The following AP2A2 variants were observed in gnomAD, a reference collection of about 807,000 sequenced individuals.
AP2A2 encodes AP-2 complex subunit alpha-2.
AP2A2 carries 32 observed loss-of-function variants against 104.2 expected under a neutral mutation model. That is an observed-to-expected ratio of 0.31 (90% CI 0.23 to 0.41). AP2A2 has a LOEUF of 0.41. AP2A2 is among the 10% of genes least tolerant of loss of function. The pLI, the probability that AP2A2 is intolerant of heterozygous loss-of-function variation, is 1.00. For synonymous variants in AP2A2, 539 were observed against 533.3 expected (o/e 1.01, Z -0.15); for missense variants, 912 against 1,261.0 (o/e 0.72, Z 4.19).
intron 14 of AP2A2, among the ~76,000 whole-genome samples, chr11:999,246 C>T (rs972462426): frequency 1.3e-5 from 2 of 152,182 alleles, no homozygotes; most frequent in African/African-American, 4.8e-5. Flanking sequence ...AGAGCAATTA[C>T]TGGGGCCGGG....
chr11:996,850 G>C (rs1004557551), intron 14 of AP2A2, among the ~76,000 whole-genome samples: 10 of 152,162 alleles, frequency 6.6e-5, no homozygotes, highest in Non-Finnish European at 1.2e-4. Context: ...TGAGAGCTGT[G>C]GTGTGTGGGC....
rs766934226 is a variant in AP2A2 at position 1,008,107 on chromosome 11, G to C, written c.2392G>C (p.Glu798Gln). The C allele has an allele frequency of 1.0e-5, 16 of 1,606,896 alleles. No individual in the cohort carries two copies. Among genetic ancestry groups the C allele is most frequent in the Non-Finnish European group, 1.3e-5 (15 of 1,177,444 alleles). The change falls in exon 18 of 22, where the codon GAG becomes CAG. Residue 798 changes from glutamate (E) to glutamine (Q), a missense_variant. By Grantham distance (29) the Glu-to-Gln change is conservative. Coordinates refer to ENST00000448903, the MANE Select transcript of AP2A2 (RefSeq NM_012305.4). ...CATAGAGTGCGTGTCCGACTTCACG[G>C]AGGCGCCAGTCCTCAACATTCAGTT... ...VNIECVSDFT[E>Q]APVLNIQFRY... is the part of the protein sequence containing the mutation.
chr11:981,257 G>A lies in AP2A2; in HGVS notation c.663G>A (p.Glu221=). Reference sequence around the variant, plus strand: ...CTTTAGCACAGAAGAACCCAGAAGAGTTTAAAACCTCCGTGTCTCTGGCTG... The same window carrying A: ...CTTTAGCACAGAAGAACCCAGAAGAATTTAAAACCTCCGTGTCTCTGGCTG... The part of the protein sequence containing the change: ...ITTLAQKNPE[E]FKTSVSLAVS... The change falls in exon 6 of 22, where the codon GAG becomes GAA. Residue 221 remains glutamate, a synonymous_variant. Transcript: ENST00000448903. 1 of 1,613,736 alleles carries A rather than the reference G, an allele frequency of 6.2e-7. No homozygotes were observed. Among genetic ancestry groups the A allele is most frequent in the Non-Finnish European group, 8.5e-7 (1 of 1,179,810 alleles).
intron 8 of AP2A2, among the ~76,000 whole-genome samples, chr11:985,843 C>T (rs1222835306): frequency 2.6e-5 from 4 of 152,266 alleles, no homozygotes. Flanking sequence ...AGCATCCCCA[C>T]TCCTGACTGG....
At position 925,926 on chromosome 11, in the gene AP2A2, C is replaced by G; in HGVS notation, c.-96C>G. 2.0e-6 allele frequency: 2 copies of G among 995,218 alleles called. No homozygotes were observed. The highest frequency in any genetic ancestry group is 3.5e-5 in the East Asian group (1 of 28,376). 61.6% of individuals were successfully genotyped at this position (995,218 alleles called of 1,614,324 possible). ...TGGTTAGGCGGCTCCCCGGCGGCTCCTCCGCGGCGGTGACGGCGACCGCAC... is the reference window on the plus strand; with the variant it reads ...TGGTTAGGCGGCTCCCCGGCGGCTCGTCCGCGGCGGTGACGGCGACCGCAC... On this transcript the variant is annotated 5_prime_UTR_variant, in exon 1 of 22. Coordinates refer to ENST00000448903, the MANE Select transcript of AP2A2 (RefSeq NM_012305.4).
intron 1 of AP2A2, among the ~76,000 whole-genome samples, chr11:931,593 G>C (rs1853293824): frequency 6.6e-6 from 1 of 152,196 alleles, no homozygotes; most frequent in Non-Finnish European, 1.5e-5. Context: ...GTGTGGTGCA[G>C]ATGCTTGGAG....
chr11:1,001,012 G>A (rs1856013769), intron 15 of AP2A2, among the ~76,000 whole-genome samples: 1 of 152,202 alleles, frequency 6.6e-6, no homozygotes, highest in Non-Finnish European at 1.5e-5. Flanking sequence ...TCTTGTCTGT[G>A]TCTGTCCTGG....
At chr11:952,552 C>T (rs545856926) in intron 1 of AP2A2, among the ~76,000 whole-genome samples, 2 of 152,208 alleles carry the variant, frequency 1.3e-5, no homozygotes, top group African/African-American at 2.4e-5. Flanking sequence ...AAGTTCACTG[C>T]GAGAATTCCC....
At chr11:989,443 TG>T (rs948239437) in intron 10 of AP2A2, among the ~76,000 whole-genome samples, 4 of 152,244 alleles carry the variant, frequency 2.6e-5, no homozygotes, top group Non-Finnish European at 4.4e-5. Flanking sequence ...CCGTCTGCGC[TG>T]GGGCTGCACA....
intron 2 of AP2A2, among the ~76,000 whole-genome samples, chr11:960,613 A>T (rs960817742): frequency 2.6e-5 from 4 of 150,966 alleles, no homozygotes; most frequent in Admixed American, 2.0e-4. Context: ...CCCGACCTCA[A>T]GTGATCCACC....
intron 15 of AP2A2, among the ~76,000 whole-genome samples, chr11:1,002,286 C>T (rs760406361): frequency 7.9e-5 from 12 of 152,358 alleles, no homozygotes; most frequent in Admixed American, 2.6e-4. Context: ...CCCGGGGGTG[C>T]GGTGAGCACG....
chr11:1,004,815 A>G (rs879916017), intron 16 of AP2A2, among the ~76,000 whole-genome samples: 3 of 152,230 alleles, frequency 2.0e-5, no homozygotes, highest in Admixed American at 2.0e-4. Context: ...ATCATTATTT[A>G]TGTATGCATA....
chr11:1,007,983 T>C (rs774114304), intron 17 of AP2A2, 29 bp from the exon 18 acceptor site: 12 of 1,552,238 alleles, frequency 7.7e-6, no homozygotes, highest in Middle Eastern at 1.7e-4. Flanking sequence ...CACTGGGACT[T>C]GCTCAGCTGG....
chr11:976,826 AAAC>A (rs950650542), intron 4 of AP2A2, among the ~76,000 whole-genome samples: 1 of 152,256 alleles, frequency 6.6e-6, no homozygotes, highest in African/African-American at 2.4e-5. Flanking sequence ...GCTATTGTTC[AAAC>A]AACAAATGAG....
rs528694194 is a variant in AP2A2 at position 952,931 on chromosome 11, A to G, written c.68-6506A>G. On this transcript the variant is annotated intron_variant, in intron 1 of 21. Transcript: ENST00000448903. ...GATCAGTGCAGTGTCAGTGGCACGA[A>G]TTGGTGCCTGGCCAGGAGCACGCTC... Among the ~76,000 whole-genome samples the G allele has an allele frequency of 2.0e-4, 30 of 152,298 alleles. 1 individual carries two copies. The South Asian group carries it at 6.2e-3, about 32-fold the overall frequency.
rs749261453 is a variant in AP2A2, at chr11:992,548, A to G, written c.1315A>G (p.Thr439Ala). 1 of 1,612,346 alleles carries G rather than the reference A, an allele frequency of 6.2e-7. No individual in the cohort carries two copies. The change falls in exon 11 of 22, where the codon ACC becomes GCC. Residue 439 changes from threonine to alanine, a missense_variant. This residue lies in a region of AP2A2 where 350 missense variants were observed against 487.0 expected (regional missense o/e 0.72). Coordinates refer to ENST00000448903, the MANE Select transcript of AP2A2 (RefSeq NM_012305.4). This position sits in a 1 kb window ranked among gnomAD's most constrained non-coding sequence, Gnocchi z 6.4. Reference protein sequence around the residue: ...ILAEKYAVDYTWYVDTILNLI... With the variant: ...ILAEKYAVDYAWYVDTILNLI... The stretch of plus-strand genomic sequence containing the variant: ...GGCTGAGAAGTACGCGGTGGACTAC[A>G]CCTGGTATGTGGATACCATCTTGAA...
Position 937,585 on chromosome 11 carries a change from A to G in AP2A2, c.67+11497A>G, listed in dbSNP as rs559166493. ...TTTGCGCCATTGCGCAGCCTGGGCGACAGGATGAGACCCTGTCTCAAAACA... is the reference window on the plus strand; with the variant it reads ...TTTGCGCCATTGCGCAGCCTGGGCGGCAGGATGAGACCCTGTCTCAAAACA... On this transcript the variant is annotated intron_variant, in intron 1 of 21. Transcript: ENST00000448903. Among the ~76,000 whole-genome samples, 7 of 152,364 alleles carry G rather than the reference A, an allele frequency of 4.6e-5. No individual in the cohort carries two copies. The East Asian group carries it at 1.2e-3, about 25-fold the overall frequency.
chr11:972,654 G>A (rs1258159497), intron 4 of AP2A2, among the ~76,000 whole-genome samples: 1 of 152,234 alleles, frequency 6.6e-6, no homozygotes, highest in Non-Finnish European at 1.5e-5. Context: ...CCGTGTTCAT[G>A]CCTTGGAGAC....
At chr11:991,050 C>A (rs971409305) in intron 10 of AP2A2, among the ~76,000 whole-genome samples, 3 of 151,916 alleles carry the variant, frequency 2.0e-5, no homozygotes, top group African/African-American at 7.3e-5. Context: ...ATGCTCCCCC[C>A]ACCCCGTCCT....
Sources: gnomAD v4.1 joint callset for allele counts (sites outside exome capture counted in the v4.1 genomes callset) on GRCh38, gnomAD v4.1.1 for gene constraint, gnomAD v4.1.1 regional missense constraint, Gnocchi (gnomAD v3.1) non-coding constraint, MANE v1.5 for transcripts, NCBI Gene and HGNC (gene_info 2026-07-23, HGNC 2026-07-21) for gene names.